The following TRIO variants were observed in gnomAD, a reference collection of about 807,000 sequenced individuals.
TRIO encodes trio Rho guanine nucleotide exchange factor.
Under a neutral mutation model 351.9 loss-of-function variants are expected in TRIO, and 58 were observed. The observed-to-expected ratio is 0.16, with a 90% CI of 0.13 to 0.21. TRIO has a LOEUF of 0.21. TRIO is among the 10% of genes least tolerant of loss of function. TRIO has a pLI of 1.00. For missense variants in TRIO, 3,201 were observed against 4,027.8 expected, an observed-to-expected ratio of 0.79 and a Z score of 5.56; for synonymous variants, 1,758 against 1,595.7, an observed-to-expected ratio of 1.10 and a Z score of -2.42.
chr5:14,463,503 T>G (rs546774788), intron 36 of TRIO, among the ~76,000 whole-genome samples: 11 of 152,302 alleles, frequency 7.2e-5, no homozygotes, highest in African/African-American at 2.2e-4. Context: ...TGAAAGTCAT[T>G]TGTTTTCTTG....
intron 1 of TRIO, among the ~76,000 whole-genome samples, chr5:14,173,929 C>G (rs1789255214): frequency 6.6e-6 from 1 of 152,210 alleles, no homozygotes; most frequent in South Asian, 2.1e-4. Context: ...CTTGGCTGTT[C>G]TCTTGAAATA....
intron 5 of TRIO, among the ~76,000 whole-genome samples, chr5:14,291,811 AAAAAAG>A (rs1247055198): frequency 6.6e-6 from 1 of 150,394 alleles, no homozygotes; most frequent in African/African-American, 2.4e-5. Flanking sequence ...AAAAAAAAAA[AAAAAAG>A]TGAAAATTTC....
At chr5:14,369,080 T>TA (rs1370170161) in intron 17 of TRIO, among the ~76,000 whole-genome samples, 181 bp downstream of exon 17, 1 of 152,168 alleles carries the variant, frequency 6.6e-6, no homozygotes, top group Non-Finnish European at 1.5e-5. Context: ...TCAAAGGTAA[T>TA]AAGCTAGAAA....
At chr5:14,160,003 A>G (rs547588018) in intron 1 of TRIO, among the ~76,000 whole-genome samples, 1 of 152,322 alleles carries the variant, frequency 6.6e-6, no homozygotes, top group South Asian at 2.1e-4. Flanking sequence ...AATAATTTTC[A>G]TTGTGCCTGT....
intron 27 of TRIO, 37 bp from the exon 28 acceptor site, chr5:14,394,001 T>A (rs1561435215): frequency 7.0e-7 from 1 of 1,435,594 alleles, no homozygotes; most frequent in Non-Finnish European, 9.8e-7. Context: ...AGTGTAGCCC[T>A]ATGATAACTC....
At chr5:14,454,049 C>T (rs552485539) in intron 34 of TRIO, among the ~76,000 whole-genome samples, 56 of 152,242 alleles carry the variant, frequency 3.7e-4, no homozygotes, top group African/African-American at 1.3e-3. Context: ...CCTGCCTCAG[C>T]TTCCCGAGTA....
intron 2 of TRIO, among the ~76,000 whole-genome samples, chr5:14,271,469 A>G (rs1053046858): frequency 6.6e-6 from 1 of 152,186 alleles, no homozygotes; most frequent in Non-Finnish European, 1.5e-5. Context: ...GCCCGCCCGC[A>G]GACAGACTCT....
chr5:14,309,989 G>T (rs1738772450), intron 8 of TRIO, among the ~76,000 whole-genome samples: 1 of 152,112 alleles, frequency 6.6e-6, no homozygotes, highest in Admixed American at 6.5e-5. Context: ...GCAAGCACCT[G>T]CTCTGCTGTG....
chr5:14,191,100 C>G lies in TRIO; in HGVS notation c.157+47218C>G, dbSNP rs1049390112. Among the ~76,000 whole-genome samples the G allele has an allele frequency of 3.5e-4, 53 of 152,338 alleles. 1 individual carries two copies. The highest frequency in any genetic ancestry group is 1.3e-3 in the African/African-American group (53 of 41,580). ...GAGGGACATGGGACATGGTGGCTCGCACTGTGTTGACCAGCAGCCCCTGTT... is the reference window on the plus strand; with the variant it reads ...GAGGGACATGGGACATGGTGGCTCGGACTGTGTTGACCAGCAGCCCCTGTT... On this transcript the variant is annotated intron_variant, in intron 1 of 56. Coordinates refer to ENST00000344204, the MANE Select transcript of TRIO (RefSeq NM_007118.4).
In TRIO at chr5:14,190,810, C is replaced by T. The variant is rs191799502; in HGVS notation, c.157+46928C>T. Among the ~76,000 whole-genome samples the T allele has an allele frequency of 5.3e-5, 8 of 152,194 alleles. No homozygotes were observed. In the East Asian group the frequency reaches 1.4e-3, roughly 26 times the overall value. ...AAGTGAATGGCTGTTATGATCACCT[C>T]AGAAGTATCTCAGGACAAATATACA... is the stretch of plus-strand genomic sequence containing the variant. On this transcript the variant is annotated intron_variant, in intron 1 of 56. Transcript: ENST00000344204.
chr5:14,215,137 C>G lies in TRIO; in HGVS notation c.158-55688C>G, dbSNP rs1364998313. On this transcript the variant is annotated intron_variant, in intron 1 of 56. Coordinates refer to ENST00000344204, the MANE Select transcript of TRIO (RefSeq NM_007118.4). ...AAAGCAGCCTAGATTTCCTCTACTT[C>G]TGTACTGATAAAGATGATTTGGAGC... Among the ~76,000 whole-genome samples, 8 of 152,334 alleles carry G rather than the reference C, an allele frequency of 5.3e-5. No homozygotes were observed. In the East Asian group the frequency reaches 1.5e-3, roughly 29 times the overall value.
chr5:14,465,227 G>C (rs1337808993), intron 36 of TRIO, among the ~76,000 whole-genome samples: 1 of 152,072 alleles, frequency 6.6e-6, no homozygotes. Flanking sequence ...GCCAGCACTT[G>C]CGAAAGTTAC....
intron 1 of TRIO, among the ~76,000 whole-genome samples, chr5:14,215,222 A>G (rs1048409565): frequency 1.3e-5 from 2 of 152,204 alleles, no homozygotes; most frequent in Admixed American, 6.5e-5. Context: ...AACCTAACTA[A>G]AAGCATGCAT....
chr5:14,368,769 A>G lies in TRIO; in HGVS notation c.2936A>G (p.His979Arg), dbSNP rs749289922. The G allele has an allele frequency of 1.9e-6, 3 of 1,614,114 alleles. No homozygotes were observed. Among genetic ancestry groups the G allele is most frequent in the Admixed American group, 3.3e-5 (2 of 60,028 alleles). ...QKAEAMLQAN[H>R]YDMDMIRDCA... ...GCAGAAGCCATGCTACAGGCCAACC[A>G]CTACGACATGGACATGATCCGGGAC... is the stretch of plus-strand genomic sequence containing the variant. The change falls in exon 17 of 57, where the codon CAC becomes CGC. Residue 979 changes from histidine to arginine, a missense_variant. Physicochemically the swap from His to Arg is conservative, Grantham distance 29 (BLOSUM62 0). Transcript: ENST00000344204.
At chr5:14,446,998 A>AG (rs1752487778) in intron 34 of TRIO, among the ~76,000 whole-genome samples, 1 of 152,224 alleles carries the variant, frequency 6.6e-6, no homozygotes, top group Admixed American at 6.5e-5. Context: ...TGGGAGGCCG[A>AG]GGTGGGCAGA....
chr5:14,227,349 A>G (rs1424640388), intron 1 of TRIO, among the ~76,000 whole-genome samples: 2 of 152,162 alleles, frequency 1.3e-5, no homozygotes, highest in Non-Finnish European at 2.9e-5. Flanking sequence ...GTTTGTGATA[A>G]AGGACAGGGA....
chr5:14,397,203 C>T lies in TRIO; in HGVS notation c.4423+49C>T, dbSNP rs758101258. 4 of 1,438,196 alleles carry T rather than the reference C, an allele frequency of 2.8e-6. No individual in the cohort carries two copies. In the East Asian group the frequency reaches 9.3e-5, roughly 33 times the overall value. The allele number at this position is 1,438,196 out of a possible 1,614,324, so 89.1% of individuals were successfully genotyped here. A position where few individuals can be genotyped will look rare whatever the true frequency, so the allele number is the denominator to read the frequency against. On this transcript the variant is annotated intron_variant, in intron 29 of 56. Coordinates refer to ENST00000344204, the MANE Select transcript of TRIO (RefSeq NM_007118.4). ...TGTGCATCTATGCAGTTTCTAATGACACTGTTTGTAAATGGATTTCCTGAA... is the reference window on the plus strand; with the variant it reads ...TGTGCATCTATGCAGTTTCTAATGATACTGTTTGTAAATGGATTTCCTGAA...
intron 2 of TRIO, among the ~76,000 whole-genome samples, chr5:14,275,566 A>G (rs914777195): frequency 4.5e-5 from 6 of 132,348 alleles, no homozygotes; most frequent in South Asian, 2.4e-4. Context: ...TGCCTCCCCT[A>G]TAGGAAAACT....
rs561868959 is a variant in TRIO, at chr5:14,290,946, C to T, written c.771C>T (p.Ile257=). 11 of 1,614,000 alleles carry T rather than the reference C, an allele frequency of 6.8e-6. No individual in the cohort carries two copies. Among genetic ancestry groups the T allele is most frequent in the South Asian group, 5.5e-5 (5 of 91,080 alleles). ...PQDLEGARNM[I]EEHSQLKKKV... ...ATTTAGAGGGGGCTCGGAATATGATCGAGGAACATTCTCAGCTGAAGAAGA... is the reference window on the plus strand; with the variant it reads ...ATTTAGAGGGGGCTCGGAATATGATTGAGGAACATTCTCAGCTGAAGAAGA... The change falls in exon 5 of 57, where the codon ATC becomes ATT. Residue 257 remains isoleucine (I), a synonymous_variant. Transcript: ENST00000344204.
Sources: gnomAD v4.1 joint callset for allele counts (sites outside exome capture counted in the v4.1 genomes callset) on GRCh38, gnomAD v4.1.1 for gene constraint, MANE v1.5 for transcripts, NCBI Gene and HGNC (gene_info 2026-07-23, HGNC 2026-07-21) for gene names.